Variants in KCNH8 observed in about 807,000 individuals in gnomAD.
KCNH8 encodes the protein voltage-gated delayed rectifier potassium channel KCNH8.
Under a neutral mutation model 103.6 loss-of-function variants are expected in KCNH8, and 70 were observed. The observed-to-expected ratio is 0.68, with a 90% CI of 0.56 to 0.82. KCNH8 has a LOEUF of 0.82. Ranked by LOEUF, KCNH8 falls within the 40% of genes least tolerant of loss-of-function variation. KCNH8 has a pLI of 0.00. For missense variants in KCNH8, 1,217 were observed against 1,329.9 expected, an observed-to-expected ratio of 0.92 and a Z score of 1.32; for synonymous variants, 498 against 489.4, an observed-to-expected ratio of 1.02 and a Z score of -0.23.
At chr3:19,173,946 T>C (rs73818838) in intron 1 of KCNH8, among the ~76,000 whole-genome samples, 1,673 of 151,178 alleles carry the variant, frequency 0.011, 34 homozygotes, top group African/African-American at 0.038. Flanking sequence ...TTATTGATTT[T>C]TTAATCTGTT....
intron 7 of KCNH8, among the ~76,000 whole-genome samples, chr3:19,409,752 A>C (rs2066747590): frequency 6.6e-6 from 1 of 152,108 alleles, no homozygotes; most frequent in Admixed American, 6.6e-5. Flanking sequence ...AAGCAACAAC[A>C]GTAAAAAATG....
chr3:19,238,769 C>T (rs1319882602), intron 1 of KCNH8, among the ~76,000 whole-genome samples: 2 of 152,120 alleles, frequency 1.3e-5, no homozygotes, highest in African/African-American at 4.8e-5. Flanking sequence ...GGGTCTTTTT[C>T]CTCAATGAGC....
chr3:19,238,358 A>G (rs1364701959), intron 1 of KCNH8, among the ~76,000 whole-genome samples: 2 of 152,204 alleles, frequency 1.3e-5, no homozygotes, highest in Non-Finnish European at 2.9e-5. Context: ...TGCTGCAGAT[A>G]TATGAAATGG....
intron 3 of KCNH8, among the ~76,000 whole-genome samples, chr3:19,341,347 G>A (rs1469950705): frequency 2.0e-5 from 3 of 151,974 alleles, no homozygotes; most frequent in African/African-American, 7.2e-5. Context: ...TTTCACTAGC[G>A]CTGGCTGTGG....
At chr3:19,221,623 C>A (rs981117993) in intron 1 of KCNH8, among the ~76,000 whole-genome samples, 1 of 151,866 alleles carries the variant, frequency 6.6e-6, no homozygotes, top group African/African-American at 2.4e-5. Context: ...TTCCAAAACA[C>A]GGATTGTCCC....
intron 3 of KCNH8, among the ~76,000 whole-genome samples, chr3:19,296,510 T>C (rs1006946976): frequency 8.5e-5 from 13 of 152,254 alleles, no homozygotes; most frequent in Non-Finnish European, 1.5e-4. Flanking sequence ...TTTCCTCTTC[T>C]AGACTATGAG....
chr3:19,304,675 A>T (rs1340625696), intron 3 of KCNH8, among the ~76,000 whole-genome samples: 1 of 152,096 alleles, frequency 6.6e-6, no homozygotes, highest in East Asian at 1.9e-4. Context: ...AAAAGAAGTA[A>T]TTAGAAAATT....
chr3:19,486,622 T>C (rs1024051881), intron 11 of KCNH8, among the ~76,000 whole-genome samples: 1 of 152,192 alleles, frequency 6.6e-6, no homozygotes, highest in Non-Finnish European at 1.5e-5. Flanking sequence ...AAGGGCTTTG[T>C]CAAATCTGGT....
chr3:19,346,655 C>T (rs1429115952), intron 4 of KCNH8: 1 of 456,384 alleles, frequency 2.2e-6, no homozygotes, highest in Non-Finnish European at 4.4e-6. Flanking sequence ...TCCTCAGGTA[C>T]TTCAGGATCC....
At chr3:19,516,985 CT>C (rs369499726) in intron 14 of KCNH8, among the ~76,000 whole-genome samples, 6 of 151,788 alleles carry the variant, frequency 4.0e-5, no homozygotes, top group Non-Finnish European at 7.4e-5. Flanking sequence ...AGTTATTTTA[CT>C]TTTTTAGTAG....
intron 11 of KCNH8, among the ~76,000 whole-genome samples, chr3:19,478,742 T>G (rs765998456): frequency 2.0e-5 from 3 of 152,078 alleles, no homozygotes; most frequent in Non-Finnish European, 4.4e-5. Context: ...AAAATTTGAC[T>G]GTAAGACTAG....
chr3:19,151,629 A>G (rs1384553804), intron 1 of KCNH8, among the ~76,000 whole-genome samples: 2 of 152,132 alleles, frequency 1.3e-5, no homozygotes, highest in African/African-American at 2.4e-5. Flanking sequence ...ATAAAACTCT[A>G]TAACATAATC....
chr3:19,356,704 A>G (rs2065886158), intron 5 of KCNH8, among the ~76,000 whole-genome samples: 1 of 151,968 alleles, frequency 6.6e-6, no homozygotes, highest in Non-Finnish European at 1.5e-5. Flanking sequence ...AGAACTGTGC[A>G]TTAGTGATTT....
At chr3:19,381,484 T>A (rs2066287420) in intron 5 of KCNH8, among the ~76,000 whole-genome samples, 1 of 152,074 alleles carries the variant, frequency 6.6e-6, no homozygotes, top group South Asian at 2.1e-4. Context: ...TAGGCAGAAA[T>A]TACCTGAACA....
chr3:19,383,689 C>T (rs1412617760), intron 5 of KCNH8, among the ~76,000 whole-genome samples: 2 of 152,094 alleles, frequency 1.3e-5, no homozygotes. Context: ...TCATTAGTTC[C>T]AAGCTTTGTA....
intron 2 of KCNH8, among the ~76,000 whole-genome samples, chr3:19,267,642 A>G (rs951649950): frequency 6.6e-5 from 10 of 152,084 alleles, no homozygotes; most frequent in Admixed American, 2.0e-4. Context: ...GATTAACCCT[A>G]CAATATCTAA....
chr3:19,503,904 G>T (rs898476564), intron 11 of KCNH8, among the ~76,000 whole-genome samples: 9 of 151,340 alleles, frequency 5.9e-5, no homozygotes, highest in East Asian at 1.9e-4. Context: ...ATTGTGCACA[G>T]GTACCCTAAA....
intron 5 of KCNH8, among the ~76,000 whole-genome samples, chr3:19,369,316 T>A (rs1482292502): frequency 6.6e-6 from 1 of 151,902 alleles, no homozygotes; most frequent in African/African-American, 2.4e-5. Context: ...CCTCCTCTCT[T>A]CCTTGGCTTC....
At position 19,353,153 on chromosome 3, in the gene KCNH8, C is replaced by T. The variant is rs954628824; in HGVS notation, c.811+5188C>T. ...ATCTAGAAGAAATGGATAAATTCCT[C>T]GACACATACACCCTCCCAAGGCTAA... On this transcript the variant is annotated intron_variant, in intron 5 of 15. Transcript: ENST00000328405. Among the ~76,000 whole-genome samples the T allele has an allele frequency of 5.9e-5, 9 of 152,066 alleles. No homozygotes were observed. In the South Asian group the frequency reaches 1.2e-3, roughly 21 times the overall value.
Sources: gnomAD v4.1 joint callset for allele counts (sites outside exome capture counted in the v4.1 genomes callset) on GRCh38, gnomAD v4.1.1 for gene constraint, MANE v1.5 for transcripts, NCBI Gene and HGNC (gene_info 2026-07-23, HGNC 2026-07-21) for gene names.